The following CACNA1I variants were observed in gnomAD, a reference collection of about 807,000 sequenced individuals.
The protein encoded by CACNA1I is voltage-dependent T-type calcium channel subunit alpha-1I.
Under a neutral mutation model 201.6 loss-of-function variants are expected in CACNA1I, and 74 were observed. The ratio of observed to expected loss-of-function variants is 0.37; its 90% CI spans 0.30 to 0.45. CACNA1I has a LOEUF of 0.45. Among genes scored for constraint, CACNA1I ranks in the 20% least tolerant of loss-of-function variants. The pLI, the probability that CACNA1I is intolerant of heterozygous loss-of-function variation, is 1.00. For synonymous variants in CACNA1I, 1,431 were observed against 1,345.2 expected, an observed-to-expected ratio of 1.06 and a Z score of -1.40; for missense variants, 2,346 against 3,138.1, an observed-to-expected ratio of 0.75 and a Z score of 6.03.
intron 4 of CACNA1I, among the ~76,000 whole-genome samples, chr22:39,628,836 C>G (rs552833894): frequency 6.6e-6 from 1 of 152,160 alleles, no homozygotes; most frequent in African/African-American, 2.4e-5. Flanking sequence ...CCCCTCGCCC[C>G]GACTCCACTC....
chr22:39,629,416 C>CTTGG lies in CACNA1I; in HGVS notation c.581-5149_581-5148insTTGG. ...TCTTCCTCCTACATCCATATCCCAT[C>CTTGG]CCTCTGCTTGGCCTCCAAAATACCT... On this transcript the variant is annotated intron_variant, in intron 4 of 36. Transcript: ENST00000402142. This position sits in a 1 kb window ranked among gnomAD's most constrained non-coding sequence, Gnocchi z 4.8. 6.6e-6 allele frequency among the ~76,000 whole-genome samples: 1 copy of CTTGG among 152,104 alleles called. No individual in the cohort carries two copies. Among genetic ancestry groups the CTTGG allele is most frequent in the South Asian group, 2.1e-4 (1 of 4,822 alleles).
intron 10 of CACNA1I, among the ~76,000 whole-genome samples, chr22:39,656,979 G>A (rs779965606): frequency 3.3e-5 from 5 of 152,314 alleles, no homozygotes; most frequent in Admixed American, 6.5e-5. Context: ...GAGAGAAGGG[G>A]CTGGGCCTCG....
At chr22:39,625,178 T>A (rs938758655) in intron 4 of CACNA1I, among the ~76,000 whole-genome samples, 2 of 152,166 alleles carry the variant, frequency 1.3e-5, no homozygotes, top group African/African-American at 2.4e-5. Flanking sequence ...AGTGCTGGGA[T>A]TACAAGCGTG....
In CACNA1I at chr22:39,663,740, A is replaced by G. The variant is rs762578388; in HGVS notation, c.3496A>G (p.Ile1166Val). Residue 1166 changes from isoleucine to valine, a missense_variant, in exon 19 of 37, where the codon ATT becomes GTT. Around this residue, in one of 13 missense-constraint regions of CACNA1I, gnomAD observed 158 missense variants for 231.6 expected, o/e 0.68. Transcript: ENST00000402142. The part of the protein sequence containing the change: ...ENRFRVLCQT[I>V]IAHKLFDYVV... ...CAGGTTCCGGGTCCTGTGTCAGACC[A>G]TTATTGCCCACAAACTCTTCGACTA... The G allele has an allele frequency of 1.1e-4, 137 of 1,299,960 alleles. No homozygotes were observed. The highest frequency in any genetic ancestry group is 1.2e-4 in the Non-Finnish European group (113 of 945,938). 80.5% of individuals were successfully genotyped at this position (1,299,960 alleles called of 1,614,324 possible).
Position 39,649,709 on chromosome 22 carries a change from CG to C in CACNA1I, c.1780del (p.Ala594ProfsTer54). ...AGGEDEADGD[G>X]ARSSEDGASS... is the part of the protein sequence containing the mutation. ...GTGGCGAGGACGAGGCGGATGGGGA[CG>C]GGGCCCGGAGCAGCGAGGACGGAGC... On this transcript the variant is annotated frameshift_variant, in exon 10 of 37. Coordinates refer to ENST00000402142, the MANE Select transcript of CACNA1I (RefSeq NM_021096.4). LOFTEE classifies it high-confidence loss of function. This position sits in a 1 kb window ranked among gnomAD's most constrained non-coding sequence, Gnocchi z 7.3. The C allele has an allele frequency of 6.6e-7, 1 of 1,525,830 alleles. No individual in the cohort carries two copies. Among genetic ancestry groups the C allele is most frequent in the Non-Finnish European group, 8.8e-7 (1 of 1,134,126 alleles). 94.5% of individuals were successfully genotyped at this position (1,525,830 alleles called of 1,614,324 possible).
intron 1 of CACNA1I, among the ~76,000 whole-genome samples, chr22:39,583,521 C>T (rs1365175585): frequency 1.3e-5 from 2 of 152,180 alleles, no homozygotes; most frequent in African/African-American, 4.8e-5. Flanking sequence ...CTTATCCACC[C>T]ATCCCTCCAC....
Position 39,679,111 on chromosome 22 carries a change from C to T in CACNA1I, c.5060C>T (p.Thr1687Met). The T allele has an allele frequency of 3.8e-6, 6 of 1,583,734 alleles. No individual in the cohort carries two copies. Among genetic ancestry groups the T allele is most frequent in the Admixed American group, 1.7e-5 (1 of 57,534 alleles). ...ACCGCCCTCCCTGCCACGCAGGACA[C>T]GCTGCGGGACTGCACCCACGACGAG... ...GDNWNGIMKD[T>M]LRDCTHDERS... is the part of the protein sequence containing the mutation. The change falls in exon 32 of 37, where the codon ACG becomes ATG. Residue 1687 changes from threonine (T) to methionine (M), a missense_variant. Thr to Met is a moderately conservative substitution (Grantham distance 81, BLOSUM62 -1). Transcript: ENST00000402142.
chr22:39,606,432 G>T (rs1299817780), intron 3 of CACNA1I, among the ~76,000 whole-genome samples: 1 of 152,232 alleles, frequency 6.6e-6, no homozygotes, highest in African/African-American at 2.4e-5. Context: ...CACTCGCACA[G>T]CTCAGGATAG....
chr22:39,618,173 G>C (rs1054626305), intron 3 of CACNA1I, among the ~76,000 whole-genome samples: 11 of 150,352 alleles, frequency 7.3e-5, no homozygotes, highest in Non-Finnish European at 1.2e-4. Context: ...GTGTGTGACT[G>C]TGTGTGTGGG....
At chr22:39,573,896 G>A (rs1385072508) in intron 1 of CACNA1I, among the ~76,000 whole-genome samples, 1 of 152,142 alleles carries the variant, frequency 6.6e-6, no homozygotes, top group Non-Finnish European at 1.5e-5. Flanking sequence ...GGTCCAAGGG[G>A]TGGGGCAGAA....
rs1184580078 is a variant in CACNA1I, at chr22:39,659,526, G to A, written c.2424G>A (p.Leu808=). The A allele has an allele frequency of 6.2e-7, 1 of 1,603,490 alleles. No homozygotes were observed. The highest frequency in any genetic ancestry group is 2.2e-5 in the East Asian group (1 of 44,456). The change falls in exon 13 of 37, where the codon CTG becomes CTA. Residue 808 remains leucine, a synonymous_variant. Coordinates refer to ENST00000402142, the MANE Select transcript of CACNA1I (RefSeq NM_021096.4). This position sits in a 1 kb window ranked among gnomAD's most constrained non-coding sequence, Gnocchi z 4.3. The part of the protein sequence containing the change: ...VPDRKNFDSL[L]WAIVTVFQIL... ...ACAGGAAGAACTTCGACTCCCTGCT[G>A]TGGGCCATCGTCACTGTGTTCCAGG... is the stretch of plus-strand genomic sequence containing the variant.
intron 11 of CACNA1I, among the ~76,000 whole-genome samples, chr22:39,658,730 G>GGGT (rs1029707038): frequency 6.6e-6 from 1 of 152,246 alleles, no homozygotes; most frequent in African/African-American, 2.4e-5. Context: ...CTTCTTGTGG[G>GGGT]GGTGGTGGTG....
At position 39,677,245 on chromosome 22, in the gene CACNA1I, C is replaced by G. The variant is rs1440035675; in HGVS notation, c.4855-96C>G. The G allele has an allele frequency of 6.5e-6, 5 of 768,708 alleles. No homozygotes were observed. The highest frequency in any genetic ancestry group is 5.2e-5 in the African/African-American group (3 of 58,050). 47.6% of individuals were successfully genotyped at this position (768,708 alleles called of 1,614,324 possible). A position where few individuals can be genotyped will look rare whatever the true frequency, so the allele number is the denominator to read the frequency against. On this transcript the variant is annotated intron_variant, in intron 29 of 36. Transcript: ENST00000402142. The surrounding 1 kb of genome is among the most constrained non-coding windows in gnomAD (Gnocchi z 4.8). ...TGTTACAGCTGCTCTGACCCACAGG[C>G]TGCCCAACCCCACTGCCCCAGCCTC...
At chr22:39,669,316 A>G (rs1245882558) in intron 24 of CACNA1I, among the ~76,000 whole-genome samples, 2 of 152,064 alleles carry the variant, frequency 1.3e-5, no homozygotes, top group African/African-American at 4.8e-5. Flanking sequence ...GAACACTTGG[A>G]CGCATCTTTC....
intron 1 of CACNA1I, among the ~76,000 whole-genome samples, chr22:39,591,013 A>AAAAAATTT: frequency 8.5e-6 from 1 of 118,142 alleles, no homozygotes; most frequent in Admixed American, 8.7e-5. Flanking sequence ...CTGGCTAATT[A>AAAAAATTT]AAAAATTTTT....
chr22:39,611,596 A>G (rs1933389380), intron 3 of CACNA1I, among the ~76,000 whole-genome samples: 2 of 152,164 alleles, frequency 1.3e-5, no homozygotes, highest in African/African-American at 2.4e-5. Flanking sequence ...ACTACTCTGG[A>G]GTAATGGAGC....
intron 3 of CACNA1I, among the ~76,000 whole-genome samples, chr22:39,618,277 C>CTG (rs57010174): frequency 0.9 from 131,414 of 145,370 alleles, 59,390 homozygotes; most frequent in Middle Eastern, 0.94. Context: ...AAGTGTGTGA[C>CTG]TGTGTGTGTG....
intron 1 of CACNA1I, among the ~76,000 whole-genome samples, chr22:39,582,286 T>C (rs1932579179): frequency 6.6e-6 from 1 of 151,948 alleles, no homozygotes; most frequent in African/African-American, 2.4e-5. Flanking sequence ...TGGGGTGGGG[T>C]GGGCTATATC....
chr22:39,658,026 G>A, intron 10 of CACNA1I, 126 bp from the exon 11 acceptor site: 1 of 933,300 alleles, frequency 1.1e-6, no homozygotes, highest in Non-Finnish European at 1.7e-6. Context: ...GGGGCAGTGG[G>A]GAGACGGAGG....
Sources: gnomAD v4.1 joint callset for allele counts (sites outside exome capture counted in the v4.1 genomes callset) on GRCh38, gnomAD v4.1.1 for gene constraint, gnomAD v4.1.1 regional missense constraint, Gnocchi (gnomAD v3.1) non-coding constraint, MANE v1.5 for transcripts, NCBI Gene and HGNC (gene_info 2026-07-23, HGNC 2026-07-21) for gene names.